ACTR6: variants seen among roughly 807,000 people sequenced by gnomAD.
ACTR6 encodes actin-related protein 6.
A neutral mutation model predicts 52.5 loss-of-function variants in ACTR6; 50 were observed. The observed-to-expected ratio is 0.95, with a 90% CI of 0.76 to 1.20. The LOEUF (loss-of-function observed/expected upper bound fraction) is 1.20. ACTR6 is among the 50% of genes most tolerant of loss of function. The pLI is 0.00. For synonymous variants in ACTR6, 135 were observed against 147.2 expected (o/e 0.92, Z 0.60); for missense variants, 344 against 472.4 (o/e 0.73, Z 2.52).
intron 8 of ACTR6, among the ~76,000 whole-genome samples, chr12:100,216,396 G>A (rs2096123969): frequency 6.6e-6 from 1 of 152,234 alleles, no homozygotes; most frequent in Non-Finnish European, 1.5e-5. Context: ...CAACTCCTGG[G>A]CCCAAGTGAT....
In ACTR6 at chr12:100,218,513, T is replaced by A. The variant is rs774522279; in HGVS notation, c.849T>A (p.Asn283Lys). The A allele has an allele frequency of 3.1e-6, 5 of 1,602,300 alleles. No homozygotes were observed. Among genetic ancestry groups the A allele is most frequent in the Non-Finnish European group, 4.3e-6 (5 of 1,174,362 alleles). Residue 283 changes from asparagine to lysine, a missense_variant, in exon 9 of 11, where the codon AAT becomes AAA. By Grantham distance (94) the Asn-to-Lys change is moderately conservative. Transcript: ENST00000188312. The surrounding 1 kb of genome is among the most constrained non-coding windows in gnomAD (Gnocchi z 4.2). ...ERFAVPEILF[N>K]PSDIGIQEMG... ...TTGCTGTTCCGGAAATACTCTTTAA[T>A]CCTTCTGATATAGGCATTCAAGAAA...
At chr12:100,221,615 T>C (rs1202139503) in intron 10 of ACTR6, 1 of 152,064 alleles carries the variant, frequency 6.6e-6, no homozygotes, top group African/African-American at 2.4e-5. Flanking sequence ...TATAAAAGCT[T>C]AATGCAAATA....
rs1300947037 is a variant in ACTR6 at position 100,210,157 on chromosome 12, C to T, written c.464C>T (p.Thr155Ile). The stretch of plus-strand genomic sequence containing the variant: ...ATTGTTGATAGTGGATATTCCTTTA[C>T]ACATATAGTTCCTTATTGTAGAAGT... ...CIIVDSGYSF[T>I]HIVPYCRSKK... The change falls in exon 5 of 11, where the codon ACA becomes ATA. Residue 155 changes from threonine to isoleucine, a missense_variant. Thr to Ile is a moderately conservative substitution (Grantham distance 89). Transcript: ENST00000188312. 1 of 1,608,074 alleles carries T rather than the reference C, an allele frequency of 6.2e-7. No homozygotes were observed.
In ACTR6 at chr12:100,218,726, G is replaced by T. The variant is rs2096125724; in HGVS notation, c.922+140G>T. The T allele has an allele frequency of 4.3e-6, 2 of 466,818 alleles. No individual in the cohort carries two copies. The allele number at this position is 466,818 out of a possible 1,614,324, so 28.9% of individuals were successfully genotyped here. A position where few individuals can be genotyped will look rare whatever the true frequency, so the allele number is the denominator to read the frequency against. ...TGCAGAGATTTGTAGATCCCATAAT[G>T]CATTTATATAATTCTTGATTCATCT... On this transcript the variant is annotated intron_variant, in intron 9 of 10. Coordinates refer to ENST00000188312, the MANE Select transcript of ACTR6 (RefSeq NM_022496.5). This position sits in a 1 kb window ranked among gnomAD's most constrained non-coding sequence, Gnocchi z 4.2.
chr12:100,212,368 C>T lies in ACTR6; in HGVS notation c.671+14C>T, dbSNP rs1001290926. The stretch of plus-strand genomic sequence containing the variant: ...GGATATTGCAAAGTATGTATAATGA[C>T]AATCTAAGAATTGGAAAGTAGATTG... On this transcript the variant is annotated intron_variant, in intron 7 of 10. Coordinates refer to ENST00000188312, the MANE Select transcript of ACTR6 (RefSeq NM_022496.5). 6.3e-7 allele frequency: 1 copy of T among 1,597,682 alleles called. No homozygotes were observed. Among genetic ancestry groups the T allele is most frequent in the Non-Finnish European group, 8.6e-7 (1 of 1,166,076 alleles).
rs1440979738 is a variant in ACTR6 at position 100,200,855 on chromosome 12, A to T, written c.4A>T (p.Thr2Ser). 1 of 1,614,046 alleles carries T rather than the reference A, an allele frequency of 6.2e-7. No individual in the cohort carries two copies. Among genetic ancestry groups the T allele is most frequent in the Non-Finnish European group, 8.5e-7 (1 of 1,180,006 alleles). The change falls in exon 1 of 11, where the codon ACG (threonine) becomes TCG (serine). Residue 2 changes from threonine (T) to serine (S), a missense_variant. Transcript: ENST00000188312. M[T>S]TLVLDNGAYN... ...CTGCGGTGTGGTTGGTGGTGAGATG[A>T]CGACCTTAGTGCTGGATAATGGAGC...
chr12:100,203,402 CA>C (rs2153899843), intron 1 of ACTR6, among the ~76,000 whole-genome samples: 1 of 152,168 alleles, frequency 6.6e-6, no homozygotes, highest in South Asian at 2.1e-4. Context: ...CTCCTGGGTT[CA>C]AGCAATTCTC....
chr12:100,215,657 T>C (rs1472275784), intron 8 of ACTR6, among the ~76,000 whole-genome samples: 1 of 152,188 alleles, frequency 6.6e-6, no homozygotes, highest in African/African-American at 2.4e-5. Flanking sequence ...TTACCGCAAA[T>C]GTTTATTGTA....
chr12:100,202,170 A>G (rs530277462), intron 1 of ACTR6, among the ~76,000 whole-genome samples: 5 of 152,236 alleles, frequency 3.3e-5, no homozygotes, highest in African/African-American at 4.8e-5. Context: ...TGACCTCGTG[A>G]TCTGCCTGCT....
chr12:100,221,589 T>A (rs951299131), intron 10 of ACTR6: 2 of 152,090 alleles, frequency 1.3e-5, no homozygotes, highest in Non-Finnish European at 2.9e-5. Flanking sequence ...TGTATACTTA[T>A]ATATAAATCT....
chr12:100,212,432 C>T lies in ACTR6; in HGVS notation c.672-18C>T, dbSNP rs369148044. ...CACATAATTAGAATGTTTCATAAAT[C>T]TCAATTTTGTTTTCCAGGTTGAAAG... On this transcript the variant is annotated intron_variant, in intron 7 of 10. Coordinates refer to ENST00000188312, the MANE Select transcript of ACTR6 (RefSeq NM_022496.5). 5.6e-6 allele frequency: 9 copies of T among 1,608,348 alleles called. No individual in the cohort carries two copies. In the African/African-American group the frequency reaches 1.1e-4, roughly 19 times the overall value.
chr12:100,207,846 C>G, intron 4 of ACTR6, 60 bp downstream of exon 4: 2 of 1,539,606 alleles, frequency 1.3e-6, no homozygotes, highest in Non-Finnish European at 1.8e-6. Flanking sequence ...TAGGGTAATA[C>G]TCATAAAGTC....
rs577155385 is a variant in ACTR6 at position 100,207,761 on chromosome 12, G to C, written c.354G>C (p.Gln118His). 6.3e-7 allele frequency: 1 copy of C among 1,598,140 alleles called. No individual in the cohort carries two copies. The highest frequency in any genetic ancestry group is 8.6e-7 in the Non-Finnish European group (1 of 1,168,792). The stretch of plus-strand genomic sequence containing the variant: ...ATGAAATTCTATTTGAAGAATACCA[G>C]TTTCAAGCAGTATTAAGAGTAAATG... ...SMNEILFEEY[Q>H]FQAVLRVNAG... The change falls in exon 4 of 11, where the codon CAG becomes CAC. Residue 118 changes from glutamine (Q) to histidine (H), a missense_variant. Coordinates refer to ENST00000188312, the MANE Select transcript of ACTR6 (RefSeq NM_022496.5).
At chr12:100,215,227 T>C (rs150864713) in intron 8 of ACTR6, among the ~76,000 whole-genome samples, 2,530 of 152,330 alleles carry the variant, frequency 0.017, 66 homozygotes, top group African/African-American at 0.058. Context: ...GTTTGAAAAC[T>C]TAAAACCTCT....
chr12:100,200,866 G>A lies in ACTR6; in HGVS notation c.15G>A (p.Val5=), dbSNP rs368135903. Residue 5 remains valine, a synonymous_variant, in exon 1 of 11, where the codon GTG becomes GTA. Transcript: ENST00000188312. Reference sequence around the variant, plus strand: ...TTGGTGGTGAGATGACGACCTTAGTGCTGGATAATGGAGCTTACAACGCCA... The same window carrying A: ...TTGGTGGTGAGATGACGACCTTAGTACTGGATAATGGAGCTTACAACGCCA... MTTL[V]LDNGAYNAKI... 35 of 1,614,054 alleles carry A rather than the reference G, an allele frequency of 2.2e-5. No individual in the cohort carries two copies. Among genetic ancestry groups the A allele is most frequent in the African/African-American group, 2.7e-5 (2 of 74,940 alleles).
chr12:100,215,488 T>C (rs2096123258), intron 8 of ACTR6, among the ~76,000 whole-genome samples: 2 of 152,206 alleles, frequency 1.3e-5, no homozygotes, highest in Admixed American at 1.3e-4. Context: ...AGGTTTTTTA[T>C]TGGCTTTTGA....
At chr12:100,204,133 CT>C (rs1566290557) in intron 1 of ACTR6, 1 of 151,704 alleles carries the variant, frequency 6.6e-6, no homozygotes. Flanking sequence ...ACATACTGAA[CT>C]TTAAAAAAAA....
At chr12:100,210,587 T>C (rs1433712726) in intron 6 of ACTR6, among the ~76,000 whole-genome samples, 1 of 151,738 alleles carries the variant, frequency 6.6e-6, no homozygotes, top group African/African-American at 2.4e-5. Flanking sequence ...GGTGTGGTGG[T>C]ACACACCTGT....
chr12:100,202,111 T>C (rs2096110248), intron 1 of ACTR6, among the ~76,000 whole-genome samples: 1 of 152,138 alleles, frequency 6.6e-6, no homozygotes, highest in South Asian at 2.1e-4. Context: ...TTTGTATTTT[T>C]AGTAGAGACG....
Sources: gnomAD v4.1 joint callset for allele counts (sites outside exome capture counted in the v4.1 genomes callset) on GRCh38, gnomAD v4.1.1 for gene constraint, Gnocchi (gnomAD v3.1) non-coding constraint, MANE v1.5 for transcripts, NCBI Gene and HGNC (gene_info 2026-07-23, HGNC 2026-07-21) for gene names.